C6orf132: variants seen among roughly 807,000 people sequenced by gnomAD.
The protein encoded by C6orf132 is uncharacterized protein C6orf132.
Under a neutral mutation model 65.3 loss-of-function variants are expected in C6orf132, and 43 were observed. The ratio of observed to expected loss-of-function variants is 0.66; its 90% confidence interval spans 0.52 to 0.85. The LOEUF is 0.85. C6orf132 is among the 40% of genes least tolerant of loss of function. The probability of loss-of-function intolerance (pLI) is 0.00; values close to 1 mark genes in which losing one functional copy is unlikely to be tolerated. For synonymous variants in C6orf132, 631 were observed against 654.1 expected (o/e 0.96, Z 0.54); for missense variants, 1,488 against 1,548.8 (o/e 0.96, Z 0.66).
At chr6:42,123,445 AAGG>A (rs1166288342) in intron 2 of C6orf132, among the ~76,000 whole-genome samples, 1 of 44,410 alleles carries the variant, frequency 2.3e-5, no homozygotes, top group African/African-American at 1.3e-4. Flanking sequence ...GAAGGAGAAG[AAGG>A]AGAAGAAGGA....
intron 1 of C6orf132, among the ~76,000 whole-genome samples, chr6:42,139,367 C>T (rs1288363318): frequency 7.0e-6 from 1 of 142,878 alleles, no homozygotes; most frequent in Middle Eastern, 3.4e-3. Context: ...GTGCTCCATG[C>T]TGGGAACGAT....
intron 2 of C6orf132, among the ~76,000 whole-genome samples, chr6:42,123,804 C>T (rs951610196): frequency 3.3e-5 from 5 of 152,140 alleles, no homozygotes; most frequent in Admixed American, 6.5e-5. Flanking sequence ...CTCCCCAGGC[C>T]GCAGTATTCT....
chr6:42,112,901 G>C (rs1766515311), intron 2 of C6orf132, among the ~76,000 whole-genome samples: 1 of 152,178 alleles, frequency 6.6e-6, no homozygotes, highest in South Asian at 2.1e-4. Context: ...GAATTACTCT[G>C]GTCACTTGGG....
rs963448337 is a variant in C6orf132 at position 42,103,455 on chromosome 6, G to A, written c.*306C>T. 1.0e-5 allele frequency: 4 copies of A among 390,644 alleles called. No homozygotes were observed. Among genetic ancestry groups the A allele is most frequent in the Non-Finnish European group, 1.4e-5 (3 of 221,788 alleles). 24.2% of individuals were successfully genotyped at this position (390,644 alleles called of 1,614,324 possible). ...GTTTTAAATAACTCTTGCTAAAGCAGATAGTACCAGAGAGCAGAAACTCAG... is the reference window on the plus strand; with the variant it reads ...GTTTTAAATAACTCTTGCTAAAGCAAATAGTACCAGAGAGCAGAAACTCAG... On this transcript the variant is annotated 3_prime_UTR_variant, in exon 5 of 5. Transcript: ENST00000341865.
intron 2 of C6orf132, among the ~76,000 whole-genome samples, chr6:42,123,451 AAGAAGG>A (rs1453175252): frequency 0.026 from 1,155 of 44,930 alleles, 15 homozygotes; most frequent in African/African-American, 0.12. Flanking sequence ...GAAGAAGGAG[AAGAAGG>A]AGAAGGAGAA....
chr6:42,106,393 G>T lies in C6orf132; in HGVS notation c.1519C>A (p.Pro507Thr). Reference protein sequence around the residue: ...APQSKEGKKGPRLPEKETLLS... With the variant: ...APQSKEGKKGTRLPEKETLLS... Reference sequence around the variant, plus strand: ...AGAGTCTCCTTCTCAGGCAGGCGGGGGCCCTTCTTGCCCTCCTTGCTCTGA... The same window carrying T: ...AGAGTCTCCTTCTCAGGCAGGCGGGTGCCCTTCTTGCCCTCCTTGCTCTGA... The change falls in exon 4 of 5, where the codon CCC (proline) becomes ACC (threonine). Residue 507 changes from proline (P) to threonine (T), a missense_variant. Physicochemically the swap from Pro to Thr is conservative, Grantham distance 38 (BLOSUM62 -1). Coordinates refer to ENST00000341865, the MANE Select transcript of C6orf132 (RefSeq NM_001164446.3). 1 of 1,536,140 alleles carries T rather than the reference G, an allele frequency of 6.5e-7. No individual in the cohort carries two copies. The highest frequency in any genetic ancestry group is 8.7e-7 in the Non-Finnish European group (1 of 1,146,854).
At chr6:42,136,349 C>T (rs979425050) in intron 1 of C6orf132, among the ~76,000 whole-genome samples, 2 of 152,028 alleles carry the variant, frequency 1.3e-5, no homozygotes, top group Admixed American at 6.6e-5. Flanking sequence ...GGAAGCTAGC[C>T]GGAGTGAGAG....
chr6:42,112,497 C>G (rs1766510657), intron 2 of C6orf132, among the ~76,000 whole-genome samples: 1 of 152,212 alleles, frequency 6.6e-6, no homozygotes, highest in South Asian at 2.1e-4. Context: ...TCAGTTTCCC[C>G]ATCTGGGAAA....
intron 2 of C6orf132, 22 bp downstream of exon 2, chr6:42,128,650 C>T (rs2127478494): frequency 6.5e-6 from 10 of 1,543,500 alleles, no homozygotes; most frequent in Middle Eastern, 3.8e-4. Flanking sequence ...ACTCTCCAAC[C>T]TCAGAGCAGA....
At chr6:42,111,532 T>C (rs1766495543) in intron 2 of C6orf132, among the ~76,000 whole-genome samples, 1 of 152,112 alleles carries the variant, frequency 6.6e-6, no homozygotes, top group Admixed American at 6.6e-5. Flanking sequence ...TCTGCCCACC[T>C]CTGCCTCCCA....
intron 1 of C6orf132, among the ~76,000 whole-genome samples, chr6:42,133,024 G>A (rs1462593542): frequency 1.3e-5 from 2 of 152,154 alleles, no homozygotes; most frequent in Admixed American, 1.3e-4. Context: ...AAGCATTCAA[G>A]GTCAGAACTG....
chr6:42,139,529 G>A (rs1342767216), intron 1 of C6orf132, among the ~76,000 whole-genome samples: 4 of 152,218 alleles, frequency 2.6e-5, no homozygotes, highest in Non-Finnish European at 5.9e-5. Flanking sequence ...GGCATAGTTG[G>A]TTATGTTCTA....
chr6:42,104,673 C>T lies in C6orf132; in HGVS notation c.3239G>A (p.Gly1080Asp). The T allele has an allele frequency of 1.3e-6, 2 of 1,504,282 alleles. No individual in the cohort carries two copies. Among genetic ancestry groups the T allele is most frequent in the Non-Finnish European group, 1.8e-6 (2 of 1,134,724 alleles). The allele number at this position is 1,504,282 out of a possible 1,614,324, so 93.2% of individuals were successfully genotyped here. ...AGAGCTCAGGCTGCGGCCGGTGCCA[C>T]CGTGGGGTAGCCCTGGGCCTCGGTG... ...EPHRGPGLPH[G>D]GTGRSLSSPN... The change falls in exon 4 of 5, where the codon GGT (glycine) becomes GAT (aspartate). Residue 1080 changes from glycine to aspartate, a missense_variant. By Grantham distance (94) the Gly-to-Asp change is moderately conservative. Transcript: ENST00000341865. This position sits in a 1 kb window ranked among gnomAD's most constrained non-coding sequence, Gnocchi z 4.1.
In C6orf132 at chr6:42,111,983, T is replaced by G. The variant is rs149860868; in HGVS notation, c.253-1692A>C. ...CAACTGTTATTTCCCACTCACCTAT[T>G]ACACCCATCCCACATTGTAGCTTCA... On this transcript the variant is annotated intron_variant, in intron 2 of 4. Coordinates refer to ENST00000341865, the MANE Select transcript of C6orf132 (RefSeq NM_001164446.3). Among the ~76,000 whole-genome samples, 723 of 151,560 alleles carry G rather than the reference T, an allele frequency of 4.8e-3. 3 individuals are homozygous for G. The highest frequency in any genetic ancestry group is 7.5e-3 in the Non-Finnish European group (513 of 67,958).
chr6:42,107,433 C>T lies in C6orf132; in HGVS notation c.479G>A (p.Gly160Glu). The change falls in exon 4 of 5, where the codon GGG becomes GAG. Residue 160 changes from glycine to glutamate, a missense_variant. By Grantham distance (98) the Gly-to-Glu change is moderately conservative (BLOSUM62 -2). Coordinates refer to ENST00000341865, the MANE Select transcript of C6orf132 (RefSeq NM_001164446.3). ...GGAAGGTGGAGATGGCAGTGGCGAC[C>T]CCCCTGGAGGTTCTGAAATGTCCTG... ...PPQDISEPPGGSPLPSPPSTA... is the reference protein window; with the variant it reads ...PPQDISEPPGESPLPSPPSTA... 1 of 1,521,128 alleles carries T rather than the reference C, an allele frequency of 6.6e-7. No individual in the cohort carries two copies. Among genetic ancestry groups the T allele is most frequent in the Non-Finnish European group, 8.8e-7 (1 of 1,130,612 alleles). 94.2% of individuals were successfully genotyped at this position (1,521,128 alleles called of 1,614,324 possible).
At chr6:42,138,851 A>ACACACACACACAC (rs1491568133) in intron 1 of C6orf132, among the ~76,000 whole-genome samples, 1 of 1,504 alleles carries the variant, frequency 6.6e-4, no homozygotes, top group Non-Finnish European at 9.7e-4. Context: ...ATGCATTTAA[A>ACACACACACACAC]CACACACACA....
Position 42,142,361 on chromosome 6 carries a change from G to A in C6orf132, c.84C>T (p.Tyr28=), listed in dbSNP as rs1767051411. Residue 28 remains tyrosine (Y), a synonymous_variant, in exon 1 of 5, where the codon TAC becomes TAT. Transcript: ENST00000341865. The part of the protein sequence containing the change: ...KHTTTPSTSL[Y]ATNPPWIFTQ... ...TGAAGATCCAGGGCGGATTGGTGGC[G>A]TAGAGGGAGGTGCTGGGGGTCGTGG... The A allele has an allele frequency of 1.3e-6, 2 of 1,551,458 alleles. No individual in the cohort carries two copies. Among genetic ancestry groups the A allele is most frequent in the Non-Finnish European group, 8.7e-7 (1 of 1,146,864 alleles).
intron 1 of C6orf132, among the ~76,000 whole-genome samples, chr6:42,132,948 T>C (rs1007313204): frequency 6.6e-6 from 1 of 151,952 alleles, no homozygotes; most frequent in African/African-American, 2.4e-5. Context: ...CTGGCCTAGC[T>C]CCTGCTGGGT....
chr6:42,128,311 T>C (rs1766798163), intron 2 of C6orf132, among the ~76,000 whole-genome samples: 1 of 152,208 alleles, frequency 6.6e-6, no homozygotes, highest in South Asian at 2.1e-4. Flanking sequence ...ACAGCAAGGC[T>C]GGCCCAGTCA....
Sources: allele counts gnomAD v4.1 joint callset (sites outside exome capture counted in the v4.1 genomes callset), GRCh38; gene constraint gnomAD v4.1.1; non-coding constraint Gnocchi (gnomAD v3.1); transcripts MANE v1.5; gene names NCBI Gene and HGNC (gene_info 2026-07-23, HGNC 2026-07-21).